MTBP: variants seen among roughly 807,000 people sequenced by gnomAD.
The protein encoded by MTBP is MDM2 binding protein, also known as mdm2-binding protein.
A neutral mutation model predicts 117.0 loss-of-function variants in MTBP; 101 were observed. The ratio of observed to expected loss-of-function variants is 0.86; its 90% CI spans 0.73 to 1.02. The LOEUF is 1.02. Among genes scored for constraint, MTBP ranks in the 50% least tolerant of loss-of-function variants. MTBP has a pLI of 0.00. For synonymous variants in MTBP, 350 were observed against 351.5 expected (o/e 1.00, Z 0.05); for missense variants, 970 against 1,030.9 (o/e 0.94, Z 0.81).
chr8:120,479,510 C>G (rs932876208), intron 11 of MTBP, among the ~76,000 whole-genome samples: 1 of 152,146 alleles, frequency 6.6e-6, no homozygotes, highest in Non-Finnish European at 1.5e-5. Context: ...GACTACCAAC[C>G]TTTATTGTAC....
chr8:120,509,913 A>G (rs1814765355), intron 16 of MTBP, 21 bp from the exon 17 acceptor site: 1 of 1,563,582 alleles, frequency 6.4e-7, no homozygotes, highest in African/African-American at 1.4e-5. Context: ...TTGAATACAA[A>G]TGAAAAATTT....
intron 11 of MTBP, chr8:120,471,454 C>G (rs541390490): frequency 1.3e-5 from 2 of 152,230 alleles, no homozygotes; most frequent in Non-Finnish European, 2.9e-5. Context: ...AGGCACCCAC[C>G]ACCATGCCTG....
chr8:120,469,069 A>G (rs1415890545), intron 10 of MTBP, among the ~76,000 whole-genome samples: 1 of 152,028 alleles, frequency 6.6e-6, no homozygotes, highest in Non-Finnish European at 1.5e-5. Context: ...TTTTTGAGAT[A>G]GAGTCTCACT....
At chr8:120,503,979 A>C (rs533213290) in intron 15 of MTBP, among the ~76,000 whole-genome samples, 1 of 152,232 alleles carries the variant, frequency 6.6e-6, no homozygotes, top group Admixed American at 6.5e-5. Flanking sequence ...AAAGTCAAGA[A>C]TTCTTCTTTA....
chr8:120,447,708 A>G (rs906502022), intron 2 of MTBP, among the ~76,000 whole-genome samples: 1 of 152,192 alleles, frequency 6.6e-6, no homozygotes, highest in African/African-American at 2.4e-5. Flanking sequence ...AAATAAAAAA[A>G]TAGTAAAAAT....
chr8:120,513,195 C>G (rs953522313), intron 17 of MTBP, among the ~76,000 whole-genome samples: 9 of 152,056 alleles, frequency 5.9e-5, no homozygotes. Context: ...ACACCAGGCT[C>G]TCATTGCTTT....
At chr8:120,484,930 C>G (rs1248474691) in intron 11 of MTBP, among the ~76,000 whole-genome samples, 6 of 152,124 alleles carry the variant, frequency 3.9e-5, no homozygotes, top group Non-Finnish European at 8.8e-5. Flanking sequence ...TGACTGGCTT[C>G]TTGGACTTAG....
intron 10 of MTBP, among the ~76,000 whole-genome samples, chr8:120,466,102 C>A (rs1161002782): frequency 6.6e-6 from 1 of 151,674 alleles, no homozygotes; most frequent in East Asian, 1.9e-4. Context: ...CAGTTCAATG[C>A]AGCAAAAGGG....
chr8:120,463,597 A>AAT (rs1813625414), intron 9 of MTBP, 95 bp from the exon 10 acceptor site: 1 of 1,001,420 alleles, frequency 1.0e-6, no homozygotes, highest in Admixed American at 2.3e-5. Context: ...GATGAATTTA[A>AAT]GCAACTGTGG....
At chr8:120,487,778 A>G (rs1315610559) in intron 11 of MTBP, among the ~76,000 whole-genome samples, 1 of 152,246 alleles carries the variant, frequency 6.6e-6, no homozygotes, top group Non-Finnish European at 1.5e-5. Flanking sequence ...GCTCCCAAGT[A>G]TAGCTGTATC....
chr8:120,508,370 C>A (rs138760353), intron 16 of MTBP, among the ~76,000 whole-genome samples: 242 of 151,690 alleles, frequency 1.6e-3, no homozygotes, highest in Non-Finnish European at 3.0e-3. Context: ...TTGCTGAGGG[C>A]GATTGATATG....
At chr8:120,501,923 T>A (rs548462008) in intron 14 of MTBP, among the ~76,000 whole-genome samples, 266 of 152,314 alleles carry the variant, frequency 1.7e-3, no homozygotes, top group Admixed American at 2.9e-3. Context: ...CTCTTACACA[T>A]AATATTTGAT....
At chr8:120,454,959 T>C (rs1199695748) in intron 5 of MTBP, among the ~76,000 whole-genome samples, 1 of 152,032 alleles carries the variant, frequency 6.6e-6, no homozygotes, top group Non-Finnish European at 1.5e-5. Context: ...CAGAGTGTTT[T>C]ATTGTCCTTT....
In MTBP at chr8:120,518,049, A is replaced by C; in HGVS notation, c.2445A>C (p.Glu815Asp). 6.2e-7 allele frequency: 1 copy of C among 1,612,782 alleles called. No individual in the cohort carries two copies. The highest frequency in any genetic ancestry group is 8.5e-7 in the Non-Finnish European group (1 of 1,179,088). The change falls in exon 19 of 22, where the codon GAA (glutamate) becomes GAC (aspartate). Residue 815 changes from glutamate to aspartate, a missense_variant. Coordinates refer to ENST00000305949, the MANE Select transcript of MTBP (RefSeq NM_022045.5). ...GTTCAGGTCAAAAAAGTATGCATGA[A>C]TCAAAAACATCAAGGCAAATTAAGG... ...KTSSGQKSMH[E>D]SKTSRQIKES...
intron 13 of MTBP, 73 bp downstream of exon 13, chr8:120,490,643 G>T: frequency 1.1e-6 from 1 of 888,416 alleles, no homozygotes; most frequent in African/African-American, 1.7e-5. Flanking sequence ...ACCTTTATTT[G>T]CACACTTTTT....
chr8:120,500,679 C>T (rs1814564940), intron 14 of MTBP, among the ~76,000 whole-genome samples: 1 of 152,188 alleles, frequency 6.6e-6, no homozygotes, highest in Non-Finnish European at 1.5e-5. Context: ...ATATTTTAAA[C>T]TATTCAAGGT....
At chr8:120,513,518 A>G (rs920953113) in intron 17 of MTBP, among the ~76,000 whole-genome samples, 1 of 151,980 alleles carries the variant, frequency 6.6e-6, no homozygotes, top group African/African-American at 2.4e-5. Flanking sequence ...ATGGCAAATC[A>G]TAGTATAATC....
rs199522024 is a variant in MTBP, at chr8:120,456,711, T to C, written c.747+41T>C. ...ACAGTTTGCCAAGTAGGCCTTTCAA[T>C]TTTATTTACAACACAGATATTTAAA... On this transcript the variant is annotated intron_variant, in intron 7 of 21. Transcript: ENST00000305949. 3.0e-4 allele frequency: 291 copies of C among 976,546 alleles called. 2 individuals are homozygous for C. Among genetic ancestry groups the C allele is most frequent in the Middle Eastern group, 2.1e-4 (1 of 4,772 alleles). 60.5% of individuals were successfully genotyped at this position (976,546 alleles called of 1,614,324 possible). A position where few individuals can be genotyped will look rare whatever the true frequency, so the allele number is the denominator to read the frequency against.
chr8:120,471,939 A>G (rs1317020442), intron 11 of MTBP: 1 of 152,192 alleles, frequency 6.6e-6, no homozygotes, highest in Non-Finnish European at 1.5e-5. Context: ...CTAGTATTTC[A>G]TGAGGTGATT....
Sources: gnomAD v4.1 joint callset for allele counts (sites outside exome capture counted in the v4.1 genomes callset) on GRCh38, gnomAD v4.1.1 for gene constraint, MANE v1.5 for transcripts, NCBI Gene and HGNC (gene_info 2026-07-23, HGNC 2026-07-21) for gene names.